Variants in DCHS2 observed in about 807,000 individuals in gnomAD.
DCHS2 encodes the protein dachsous cadherin-related 2.
In DCHS2, 142 loss-of-function variants were observed where a neutral mutation model predicts 182.4. The observed-to-expected ratio is 0.78, with a 90% confidence interval of 0.68 to 0.89. The LOEUF (loss-of-function observed/expected upper bound fraction) is 0.89. Ranked by LOEUF, DCHS2 falls within the 40% of genes least tolerant of loss-of-function variation. The pLI is 0.00. For missense variants in DCHS2, 4,319 were observed against 4,198.6 expected, an observed-to-expected ratio of 1.03 and a Z score of -0.79; for synonymous variants, 1,740 against 1,663.3, an observed-to-expected ratio of 1.05 and a Z score of -1.12.
chr4:154,441,810 T>A lies in DCHS2; in HGVS notation c.2052+47494A>T, dbSNP rs191910808. Reference sequence around the variant, plus strand: ...AAAAACAGCTATTTATTAATAAACATAAATGTACACATATGACCAATAAGC... The same window carrying A: ...AAAAACAGCTATTTATTAATAAACAAAAATGTACACATATGACCAATAAGC... On this transcript the variant is annotated intron_variant, in intron 1 of 19. Coordinates refer to ENST00000357232, the MANE Select transcript of DCHS2 (RefSeq NM_001358235.2). Among the ~76,000 whole-genome samples, 542 of 152,200 alleles carry A rather than the reference T, an allele frequency of 3.6e-3. 4 individuals carry two copies. Among genetic ancestry groups the A allele is most frequent in the Non-Finnish European group, 4.4e-3 (298 of 68,006 alleles).
At chr4:154,318,365 G>A (rs191135082) in intron 9 of DCHS2, among the ~76,000 whole-genome samples, 160 of 151,888 alleles carry the variant, frequency 1.1e-3, no homozygotes, top group African/African-American at 3.6e-3. Context: ...AGCGATGAGA[G>A]GGTTTAATTG....
In DCHS2 at chr4:154,236,516, A is replaced by G. The variant is rs753865028; in HGVS notation, c.8136T>C (p.His2712=). 6.2e-7 allele frequency: 1 copy of G among 1,614,010 alleles called. No homozygotes were observed. Among genetic ancestry groups the G allele is most frequent in the South Asian group, 1.1e-5 (1 of 91,084 alleles). The change falls in exon 20 of 20, where the codon CAT becomes CAC. Residue 2712 remains histidine (H), a synonymous_variant. Coordinates refer to ENST00000357232, the MANE Select transcript of DCHS2 (RefSeq NM_001358235.2). ...CTCCAGTGTTTTCTTCTAAGTAAAA[A>G]TGTCCCTTCTCATTTCCAGAGATGA... The part of the protein sequence containing the change: ...YNIISGNEKG[H]FYLEENTGVL...
At chr4:154,336,492 G>T (rs1728816887) in intron 3 of DCHS2, among the ~76,000 whole-genome samples, 1 of 152,136 alleles carries the variant, frequency 6.6e-6, no homozygotes, top group African/African-American at 2.4e-5. Context: ...GTTAATGAAT[G>T]AATACTGCAG....
At chr4:154,241,638 T>G (rs1411501496) in intron 17 of DCHS2, among the ~76,000 whole-genome samples, 1 of 152,166 alleles carries the variant, frequency 6.6e-6, no homozygotes, top group African/African-American at 2.4e-5. Flanking sequence ...ACACTCTCAA[T>G]GTGCACCAAC....
chr4:154,400,268 A>C (rs183865841), intron 1 of DCHS2, among the ~76,000 whole-genome samples: 2 of 132,542 alleles, frequency 1.5e-5, no homozygotes, highest in Non-Finnish European at 3.1e-5. Context: ...GCGCCACTGC[A>C]CTCCAGCCTG....
chr4:154,235,394 G>A lies in DCHS2; in HGVS notation c.9258C>T (p.Tyr3086=). ...AGTGGCCACTGGAGTTTGAGTGTCT[G>A]TACAGATTGACAATATCCTTCTCCA... The part of the protein sequence containing the change: ...SIMEKDIVNL[Y]RHSNSSGHCS... The change falls in exon 20 of 20, where the codon TAC becomes TAT. Residue 3086 remains tyrosine, a synonymous_variant. Coordinates refer to ENST00000357232, the MANE Select transcript of DCHS2 (RefSeq NM_001358235.2). 2 of 1,613,996 alleles carry A rather than the reference G, an allele frequency of 1.2e-6. No homozygotes were observed. The highest frequency in any genetic ancestry group is 2.2e-5 in the East Asian group (1 of 44,866).
chr4:154,369,662 T>C (rs1324039661), intron 2 of DCHS2, among the ~76,000 whole-genome samples: 1 of 152,208 alleles, frequency 6.6e-6, no homozygotes, highest in Non-Finnish European at 1.5e-5. Context: ...AATAATTTGT[T>C]ATACAGCAAT....
At position 154,297,901 on chromosome 4, in the gene DCHS2, G is replaced by T; in HGVS notation, c.6413C>A (p.Ser2138Tyr). ...IHMEGEDVKI[S>Y]FSHHLYKGLV... ...CCCTTTATACAGGTGGTGGCTGAAG[G>T]AAATCTTTACATCTTCTCCTTCCAT... The change falls in exon 13 of 20, where the codon TCC (serine) becomes TAC (tyrosine). Residue 2138 changes from serine (S) to tyrosine (Y), a missense_variant. Ser to Tyr is a moderately radical substitution (Grantham distance 144). Coordinates refer to ENST00000357232, the MANE Select transcript of DCHS2 (RefSeq NM_001358235.2). 1.9e-6 allele frequency: 3 copies of T among 1,614,088 alleles called. No homozygotes were observed.
rs527493864 is a variant in DCHS2, at chr4:154,479,719, C to A, written c.2052+9585G>T. On this transcript the variant is annotated intron_variant, in intron 1 of 19. Transcript: ENST00000357232. ...TTCATGTTGTGGTATTAAGAGTATG[C>A]TGTGATATATGTAGAAACTATATGT... 6.6e-5 allele frequency among the ~76,000 whole-genome samples: 10 copies of A among 152,242 alleles called. No homozygotes were observed. In the South Asian group the frequency reaches 2.1e-3, roughly 32 times the overall value.
At chr4:154,303,225 G>A (rs1005643316) in intron 12 of DCHS2, among the ~76,000 whole-genome samples, 11 of 151,932 alleles carry the variant, frequency 7.2e-5, no homozygotes, top group South Asian at 2.1e-4. Flanking sequence ...CAGGTGATCC[G>A]CCCACGTTGG....
intron 3 of DCHS2, among the ~76,000 whole-genome samples, chr4:154,365,182 ATT>A (rs1165219270): frequency 6.6e-6 from 1 of 152,180 alleles, no homozygotes; most frequent in African/African-American, 2.4e-5. Context: ...TTTAGGTATC[ATT>A]TTTAAAACAA....
intron 19 of DCHS2, 120 bp downstream of exon 19, chr4:154,239,050 A>G (rs1731671841): frequency 1.5e-6 from 2 of 1,335,962 alleles, no homozygotes; most frequent in South Asian, 1.6e-5. Flanking sequence ...AGTCGTGCTT[A>G]TAATTCCATG....
At chr4:154,259,835 A>T (rs991101661) in intron 14 of DCHS2, 79 bp from the exon 15 acceptor site, 2 of 1,400,094 alleles carry the variant, frequency 1.4e-6, no homozygotes, top group African/African-American at 2.9e-5. Flanking sequence ...TTATTTATTT[A>T]GTTTTGAGAC....
intron 3 of DCHS2, among the ~76,000 whole-genome samples, chr4:154,360,338 C>T (rs1730060015): frequency 6.6e-6 from 1 of 152,070 alleles, no homozygotes; most frequent in African/African-American, 2.4e-5. Context: ...TTTCTTCCTC[C>T]ACTAAATGAG....
intron 3 of DCHS2, among the ~76,000 whole-genome samples, chr4:154,341,156 C>T (rs1729056764): frequency 6.6e-6 from 1 of 152,032 alleles, no homozygotes; most frequent in African/African-American, 2.4e-5. Flanking sequence ...ATCACGAGGT[C>T]AGGAGATGGA....
intron 7 of DCHS2, among the ~76,000 whole-genome samples, chr4:154,327,070 G>A (rs1246413335): frequency 6.6e-6 from 1 of 151,786 alleles, no homozygotes; most frequent in Non-Finnish European, 1.5e-5. Context: ...ATATTTTTCT[G>A]TATGAAAGTC....
chr4:154,490,458 C>A lies in DCHS2; in HGVS notation c.898G>T (p.Glu300Ter). 6.5e-7 allele frequency: 1 copy of A among 1,536,668 alleles called. No individual in the cohort carries two copies. Among genetic ancestry groups the A allele is most frequent in the Non-Finnish European group, 8.7e-7 (1 of 1,146,422 alleles). ...NDNPPVFEQDEYRAAVREDAQ... is the reference protein window; with the variant it reads ...NDNPPVFEQD Reference sequence around the variant, plus strand: ...TCCTCGCGCACCGCGGCGCGGTACTCGTCCTGCTCAAAGACCGGCGGGTTG... The same window carrying A: ...TCCTCGCGCACCGCGGCGCGGTACTAGTCCTGCTCAAAGACCGGCGGGTTG... Residue 300 changes from glutamate to a stop codon, truncating the protein, a stop_gained, in exon 1 of 20, where the codon GAG becomes TAG. Coordinates refer to ENST00000357232, the MANE Select transcript of DCHS2 (RefSeq NM_001358235.2). LOFTEE classifies it high-confidence loss of function.
intron 13 of DCHS2, among the ~76,000 whole-genome samples, chr4:154,270,481 T>A (rs1733536170): frequency 1.3e-5 from 2 of 151,800 alleles, no homozygotes; most frequent in African/African-American, 4.8e-5. Flanking sequence ...GGAAAGGGCT[T>A]GGTTGGGTAA....
chr4:154,467,980 G>A (rs1735306013), intron 1 of DCHS2, among the ~76,000 whole-genome samples: 1 of 152,090 alleles, frequency 6.6e-6, no homozygotes, highest in Non-Finnish European at 1.5e-5. Context: ...GTAAAATCTG[G>A]CAGGTACACA....
Sources: gnomAD v4.1 joint callset for allele counts (sites outside exome capture counted in the v4.1 genomes callset) on GRCh38, gnomAD v4.1.1 for gene constraint, MANE v1.5 for transcripts, NCBI Gene and HGNC (gene_info 2026-07-23, HGNC 2026-07-21) for gene names.